The following CHN2 variants were observed in gnomAD, a reference collection of about 807,000 sequenced individuals.
CHN2 encodes chimerin 2.
In CHN2, 35 loss-of-function variants were observed where a neutral mutation model predicts 56.3. That is an observed-to-expected ratio of 0.62 (90% CI 0.47 to 0.82). The LOEUF is 0.82. Ranked by LOEUF, CHN2 falls within the 40% of genes least tolerant of loss-of-function variation. CHN2 has a pLI of 0.00. For synonymous variants in CHN2, 210 were observed against 212.8 expected, an observed-to-expected ratio of 0.99 and a Z score of 0.12; for missense variants, 491 against 580.5, an observed-to-expected ratio of 0.85 and a Z score of 1.58.
At chr7:29,438,125 C>T (rs1675779837) in intron 6 of CHN2, among the ~76,000 whole-genome samples, 1 of 152,180 alleles carries the variant, frequency 6.6e-6, no homozygotes, top group Admixed American at 6.5e-5. Flanking sequence ...AAAGGACAGT[C>T]AATGAAGGGG....
chr7:29,326,349 G>A (rs12535973), intron 1 of CHN2, among the ~76,000 whole-genome samples: 66,637 of 151,974 alleles, frequency 0.44, 15,079 homozygotes, highest in South Asian at 0.53. Context: ...GTAGAGACGG[G>A]ATTTCACCAT....
At chr7:29,496,854 C>T (rs775921153) in intron 8 of CHN2, among the ~76,000 whole-genome samples, 6 of 152,156 alleles carry the variant, frequency 3.9e-5, no homozygotes, top group Non-Finnish European at 8.8e-5. Flanking sequence ...ACACTTGTGG[C>T]TGGGAGCAAG....
At chr7:29,172,443 C>T (rs1362388209) in intron 2 of CHN2, among the ~76,000 whole-genome samples, 1 of 152,142 alleles carries the variant, frequency 6.6e-6, no homozygotes, top group Non-Finnish European at 1.5e-5. Flanking sequence ...CATCTATCAT[C>T]ATATTGCCAC....
At chr7:29,494,502 T>A (rs976175706) in intron 7 of CHN2, among the ~76,000 whole-genome samples, 2 of 152,144 alleles carry the variant, frequency 1.3e-5, no homozygotes, top group African/African-American at 4.8e-5. Flanking sequence ...AAGTGAATTA[T>A]GACATTTGGC....
intron 1 of CHN2, among the ~76,000 whole-genome samples, chr7:29,269,650 C>T (rs1790453202): frequency 6.6e-6 from 1 of 152,254 alleles, no homozygotes; most frequent in South Asian, 2.1e-4. Flanking sequence ...AGTGGCTGTA[C>T]TAATTTACAT....
upstream of CHN2, among the ~76,000 whole-genome samples, chr7:29,189,974 G>A (rs1305785684): frequency 2.0e-5 from 3 of 152,190 alleles, no homozygotes; most frequent in African/African-American, 7.2e-5. Flanking sequence ...CCCAGGTGTG[G>A]ACTCCTCTTT....
intron 1 of CHN2, among the ~76,000 whole-genome samples, chr7:29,236,956 A>G (rs1283540251): frequency 6.6e-6 from 1 of 152,156 alleles, no homozygotes; most frequent in African/African-American, 2.4e-5. Flanking sequence ...ATCCTTCATC[A>G]TAGCTGCAGA....
At chr7:29,496,069 A>G (rs1185862399) in intron 8 of CHN2, 33 bp downstream of exon 8, 2 of 1,538,394 alleles carry the variant, frequency 1.3e-6, no homozygotes, top group African/African-American at 2.8e-5. Context: ...TTCCAATTAT[A>G]TGAAATGCCA....
At chr7:29,371,519 T>C (rs985822266) in intron 3 of CHN2, among the ~76,000 whole-genome samples, 2 of 152,166 alleles carry the variant, frequency 1.3e-5, no homozygotes, top group African/African-American at 4.8e-5. Context: ...CCATCAACTA[T>C]CAGTCAGTCA....
intron 2 of CHN2, among the ~76,000 whole-genome samples, chr7:29,148,062 C>T (rs1173823594): frequency 6.6e-6 from 1 of 152,222 alleles, no homozygotes; most frequent in Non-Finnish European, 1.5e-5. Context: ...ACCTCTTGGG[C>T]ACAAGAGTAT....
rs1368742823 is a variant in CHN2, at chr7:29,354,676, A to T, written c.88+13A>T. ...TGGAAATCATACTGTGAGTACCTGA[A>T]ATGAAAATCTCCCCAGAAGTCGTTA... is the stretch of plus-strand genomic sequence containing the variant. On this transcript the variant is annotated intron_variant, in intron 2 of 12. Coordinates refer to ENST00000222792, the MANE Select transcript of CHN2 (RefSeq NM_004067.4). The T allele has an allele frequency of 3.1e-6, 5 of 1,611,838 alleles. No individual in the cohort carries two copies. The Admixed American group carries it at 5.0e-5, about 16-fold the overall frequency.
chr7:29,408,436 CTT>C (rs2128094053), intron 6 of CHN2, among the ~76,000 whole-genome samples: 1 of 152,238 alleles, frequency 6.6e-6, no homozygotes, highest in African/African-American at 2.4e-5. Context: ...TCCCATGCCT[CTT>C]ATATTCCTGA....
chr7:29,421,797 A>AC (rs1336212909), intron 6 of CHN2, among the ~76,000 whole-genome samples: 3 of 152,092 alleles, frequency 2.0e-5, no homozygotes, highest in African/African-American at 7.2e-5. Flanking sequence ...GTATGAGAGC[A>AC]CCCCCATCCT....
At chr7:29,442,934 CTT>C (rs541792526) in intron 6 of CHN2, among the ~76,000 whole-genome samples, 8 of 103,052 alleles carry the variant, frequency 7.8e-5, no homozygotes, top group South Asian at 3.2e-4. Flanking sequence ...CATTGAATTT[CTT>C]TTTTTTTTTT....
At chr7:29,418,270 A>G (rs755361691) in intron 6 of CHN2, among the ~76,000 whole-genome samples, 31 of 152,266 alleles carry the variant, frequency 2.0e-4, no homozygotes, top group Non-Finnish European at 3.5e-4. Flanking sequence ...CACACCAGGC[A>G]GACACCCAAG....
At chr7:29,302,497 A>ATTT (rs1793766395) in intron 1 of CHN2, among the ~76,000 whole-genome samples, 1 of 103,292 alleles carries the variant, frequency 9.7e-6, no homozygotes, top group African/African-American at 4.2e-5. Flanking sequence ...CTAAATTTTA[A>ATTT]TTCTTTTTTT....
intron 6 of CHN2, among the ~76,000 whole-genome samples, chr7:29,441,195 A>C (rs1263247184): frequency 6.6e-6 from 1 of 152,192 alleles, no homozygotes; most frequent in East Asian, 1.9e-4. Context: ...TGCCAAGAGC[A>C]TTCAATGGGA....
intron 2 of CHN2, among the ~76,000 whole-genome samples, chr7:29,172,322 C>T (rs245909): frequency 0.67 from 102,323 of 152,062 alleles, 35,431 homozygotes; most frequent in East Asian, 0.99. Flanking sequence ...ATCCAGTTGA[C>T]CAACATTCTG....
At chr7:29,386,732 G>C (rs1338333920) in intron 3 of CHN2, among the ~76,000 whole-genome samples, 2 of 152,174 alleles carry the variant, frequency 1.3e-5, no homozygotes, top group Non-Finnish European at 2.9e-5. Context: ...AAATAAACCA[G>C]GTAGTTTGGG....
Sources: gnomAD v4.1 joint callset for allele counts (sites outside exome capture counted in the v4.1 genomes callset) on GRCh38, gnomAD v4.1.1 for gene constraint, MANE v1.5 for transcripts, NCBI Gene and HGNC (gene_info 2026-07-23, HGNC 2026-07-21) for gene names.